Variants in NYAP2 observed in about 807,000 individuals in gnomAD.
The protein encoded by NYAP2 is neuronal tyrosine-phosphorylated phosphoinositide-3-kinase adaptor 2.
In NYAP2, 23 loss-of-function variants were observed where a neutral mutation model predicts 50.4. The ratio of observed to expected loss-of-function variants is 0.46; its 90% CI spans 0.33 to 0.65. The LOEUF (loss-of-function observed/expected upper bound fraction) is 0.65, where lower values mean the gene tolerates loss of function less well. NYAP2 is among the 30% of genes least tolerant of loss of function. The pLI is 0.02. For synonymous variants in NYAP2, 394 were observed against 365.2 expected, an observed-to-expected ratio of 1.08 and a Z score of -0.90; for missense variants, 885 against 861.0, an observed-to-expected ratio of 1.03 and a Z score of -0.35.
At chr2:225,481,016 C>T (rs983516078) in intron 3 of NYAP2, among the ~76,000 whole-genome samples, 3 of 152,124 alleles carry the variant, frequency 2.0e-5, no homozygotes, top group East Asian at 3.9e-4. Flanking sequence ...TTTTCCTTCC[C>T]GTTTCTGCCT....
intron 3 of NYAP2, among the ~76,000 whole-genome samples, chr2:225,477,545 T>C (rs905869857): frequency 1.3e-5 from 2 of 152,110 alleles, no homozygotes; most frequent in African/African-American, 4.8e-5. Context: ...CGAGAGTCTC[T>C]ATTTCTAACA....
chr2:225,535,670 C>T (rs547793241), intron 4 of NYAP2, among the ~76,000 whole-genome samples: 6 of 152,242 alleles, frequency 3.9e-5, no homozygotes, highest in Admixed American at 3.9e-4. Flanking sequence ...CCATTGTGAT[C>T]CCTATTGAGT....
At chr2:225,615,819 A>G (rs1380395034) in intron 5 of NYAP2, among the ~76,000 whole-genome samples, 1 of 152,152 alleles carries the variant, frequency 6.6e-6, no homozygotes, top group African/African-American at 2.4e-5. Flanking sequence ...TTGACCTGCT[A>G]TTTCTCCACC....
At chr2:225,565,457 C>T (rs1267393525) in intron 4 of NYAP2, among the ~76,000 whole-genome samples, 1 of 152,118 alleles carries the variant, frequency 6.6e-6, no homozygotes, top group African/African-American at 2.4e-5. Flanking sequence ...GTTCAATGAA[C>T]ATAGAATCTG....
At chr2:225,400,685 T>C (rs1404552455) in exon 2 of NYAP2, 1 of 152,128 alleles carries the variant, frequency 6.6e-6, no homozygotes, top group Non-Finnish European at 1.5e-5. Flanking sequence ...AGAGGGGCTG[T>C]GTGTTCATCC....
At chr2:225,447,458 G>A (rs1369427815) in intron 3 of NYAP2, among the ~76,000 whole-genome samples, 1 of 152,092 alleles carries the variant, frequency 6.6e-6, no homozygotes, top group Non-Finnish European at 1.5e-5. Flanking sequence ...TATATAGATG[G>A]AGAGAGTTCT....
chr2:225,456,102 C>T (rs890241933), intron 3 of NYAP2, among the ~76,000 whole-genome samples: 4 of 152,180 alleles, frequency 2.6e-5, no homozygotes, highest in African/African-American at 7.2e-5. Context: ...CTGCAGTTCT[C>T]AGATGAAAGA....
At chr2:225,593,324 A>C (rs1251284943) in intron 5 of NYAP2, among the ~76,000 whole-genome samples, 1 of 152,210 alleles carries the variant, frequency 6.6e-6, no homozygotes, top group Non-Finnish European at 1.5e-5. Flanking sequence ...TAGATGCTAA[A>C]ACTGAGTCCC....
At chr2:225,538,271 T>C (rs1342630621) in intron 4 of NYAP2, among the ~76,000 whole-genome samples, 2 of 152,176 alleles carry the variant, frequency 1.3e-5, no homozygotes, top group African/African-American at 2.4e-5. Flanking sequence ...CAACCCCACA[T>C]TTCCCTTCCA....
intron 4 of NYAP2, among the ~76,000 whole-genome samples, chr2:225,567,942 C>A (rs1691990365): frequency 6.6e-6 from 1 of 152,104 alleles, no homozygotes; most frequent in Non-Finnish European, 1.5e-5. Context: ...TTTACTACTT[C>A]AGAGCAATCC....
chr2:225,495,537 C>G (rs941095940), intron 3 of NYAP2, among the ~76,000 whole-genome samples: 1 of 152,084 alleles, frequency 6.6e-6, no homozygotes, highest in Non-Finnish European at 1.5e-5. Context: ...CCCCTAATCT[C>G]TATGTTTTAC....
At chr2:225,671,095 T>C in the NYAP2 span, among the ~76,000 whole-genome samples, 4 of 152,104 alleles carry the variant, frequency 2.6e-5, no homozygotes, top group African/African-American at 7.2e-5. Context: ...TTTCTTAAAA[T>C]AGGACAACAG....
chr2:225,488,824 C>A (rs1022116283), intron 3 of NYAP2, among the ~76,000 whole-genome samples: 2 of 152,152 alleles, frequency 1.3e-5, no homozygotes, highest in Non-Finnish European at 2.9e-5. Flanking sequence ...GTCTACAGAA[C>A]CAAGTCATGA....
intron 4 of NYAP2, 56 bp downstream of exon 4, chr2:225,513,728 G>A (rs758777070): frequency 1.5e-6 from 2 of 1,377,240 alleles, no homozygotes; most frequent in South Asian, 3.8e-5. Flanking sequence ...GTATGTTCAG[G>A]TCAGCATGCC....
the NYAP2 span, among the ~76,000 whole-genome samples, chr2:225,686,661 T>C: frequency 6.6e-6 from 1 of 152,168 alleles, no homozygotes; most frequent in East Asian, 1.9e-4. Context: ...TTTGATGCTG[T>C]ACCCATAGTG....
At chr2:225,487,565 G>A (rs1354904988) in intron 3 of NYAP2, among the ~76,000 whole-genome samples, 1 of 151,798 alleles carries the variant, frequency 6.6e-6, no homozygotes, top group Non-Finnish European at 1.5e-5. Context: ...TCACCGTGTT[G>A]GCCAGGCTGG....
intron 5 of NYAP2, among the ~76,000 whole-genome samples, chr2:225,622,571 C>CTTTTTTTTTT (rs1478404922): frequency 5.3e-5 from 3 of 57,066 alleles, no homozygotes; most frequent in Admixed American, 2.3e-4. Flanking sequence ...TTCTTTCTTT[C>CTTTTTTTTTT]TTTCTTTCTT....
chr2:225,588,562 A>G (rs1316828555), intron 5 of NYAP2, among the ~76,000 whole-genome samples: 1 of 152,258 alleles, frequency 6.6e-6, no homozygotes, highest in African/African-American at 2.4e-5. Flanking sequence ...TAATTTTTAA[A>G]GAATTTGTAA....
chr2:225,624,680 T>A (rs755266940), intron 5 of NYAP2, among the ~76,000 whole-genome samples: 12 of 152,224 alleles, frequency 7.9e-5, no homozygotes, highest in Non-Finnish European at 1.6e-4. Flanking sequence ...AAAAATTAAA[T>A]AAACTAATAA....
Sources: allele counts gnomAD v4.1 joint callset (sites outside exome capture counted in the v4.1 genomes callset), GRCh38; gene constraint gnomAD v4.1.1; transcripts MANE v1.5; gene names NCBI Gene and HGNC (gene_info 2026-07-23, HGNC 2026-07-21).